Variants in NLK observed in about 807,000 individuals in gnomAD.
The protein encoded by NLK is serine/threonine-protein kinase NLK.
NLK carries 11 observed loss-of-function variants against 59.0 expected under a neutral mutation model. The ratio of observed to expected loss-of-function variants is 0.19; its 90% CI spans 0.12 to 0.31. The LOEUF is 0.31. Ranked by LOEUF, NLK falls within the 10% of genes least tolerant of loss-of-function variation. The pLI, the probability that NLK is intolerant of heterozygous loss-of-function variation, is 1.00. For synonymous variants in NLK, 235 were observed against 235.9 expected, an observed-to-expected ratio of 1.00 and a Z score of 0.03; for missense variants, 410 against 661.1, an observed-to-expected ratio of 0.62 and a Z score of 4.16.
At chr17:28,082,789 T>C (rs188228855) in intron 1 of NLK, among the ~76,000 whole-genome samples, 90 of 152,332 alleles carry the variant, frequency 5.9e-4, no homozygotes, top group African/African-American at 1.5e-3. Flanking sequence ...GGAAATAACA[T>C]GTTTGTAATG....
intron 1 of NLK, among the ~76,000 whole-genome samples, chr17:28,051,694 A>G (rs1217246778): frequency 6.6e-6 from 1 of 151,386 alleles, no homozygotes; most frequent in East Asian, 1.9e-4. Flanking sequence ...ATAGATTACT[A>G]AACTAAACTT....
chr17:28,079,283 G>T (rs1441053548), intron 1 of NLK, among the ~76,000 whole-genome samples: 1 of 152,130 alleles, frequency 6.6e-6, no homozygotes, highest in Non-Finnish European at 1.5e-5. Context: ...ATAGACAGAT[G>T]TTTCCATCTC....
chr17:28,165,093 C>T (rs1455015903), intron 5 of NLK, among the ~76,000 whole-genome samples: 4 of 152,058 alleles, frequency 2.6e-5, no homozygotes, highest in Non-Finnish European at 5.9e-5. Context: ...AGTATTCCTT[C>T]TATAGGTTAT....
rs536743990 is a variant in NLK, at chr17:28,128,689, C to A, written c.589-3931C>A. Among the ~76,000 whole-genome samples, 111 of 152,282 alleles carry A rather than the reference C, an allele frequency of 7.3e-4. 1 individual carries two copies. Among genetic ancestry groups the A allele is most frequent in the African/African-American group, 2.6e-3 (108 of 41,568 alleles). On this transcript the variant is annotated intron_variant, in intron 2 of 10. Coordinates refer to ENST00000407008, the MANE Select transcript of NLK (RefSeq NM_016231.5). ...TGGCAAGGACATAGATCAACTGAAA[C>A]TCTAATCCATTGCTAGTGAGAGCAT...
intron 1 of NLK, among the ~76,000 whole-genome samples, chr17:28,050,780 G>C (rs1597652586): frequency 6.6e-6 from 1 of 152,086 alleles, no homozygotes; most frequent in Non-Finnish European, 1.5e-5. Context: ...AAGATTGTTA[G>C]GAAAATGGGA....
chr17:28,084,480 G>A (rs937945744), intron 1 of NLK, among the ~76,000 whole-genome samples: 1 of 152,186 alleles, frequency 6.6e-6, no homozygotes, highest in Non-Finnish European at 1.5e-5. Flanking sequence ...TCCAAAAAGA[G>A]GTGGTAATAG....
intron 1 of NLK, among the ~76,000 whole-genome samples, chr17:28,044,016 G>A (rs1908967025): frequency 6.6e-6 from 1 of 152,154 alleles, no homozygotes; most frequent in Non-Finnish European, 1.5e-5. Context: ...ATGTTTTAGT[G>A]TCATTTAGTG....
chr17:28,183,606 A>G (rs953118820), intron 7 of NLK, among the ~76,000 whole-genome samples: 5 of 152,176 alleles, frequency 3.3e-5, no homozygotes, highest in Non-Finnish European at 7.4e-5. Context: ...TGGGATTACA[A>G]ACGTAAGCCA....
At chr17:28,154,190 CA>C in intron 3 of NLK, among the ~76,000 whole-genome samples, 1 of 152,234 alleles carries the variant, frequency 6.6e-6, no homozygotes, top group East Asian at 1.9e-4. Flanking sequence ...TACAGAATGT[CA>C]GAAAGTCTCA....
chr17:28,073,069 C>G (rs1196177694), intron 1 of NLK, among the ~76,000 whole-genome samples: 1 of 151,554 alleles, frequency 6.6e-6, no homozygotes, highest in African/African-American at 2.4e-5. Context: ...GTACCACCTA[C>G]TTTTAAGTAA....
chr17:28,088,786 C>T (rs569963898), intron 1 of NLK, among the ~76,000 whole-genome samples: 1 of 152,278 alleles, frequency 6.6e-6, no homozygotes, highest in South Asian at 2.1e-4. Context: ...AGCCATTTCT[C>T]CAAGGTTCCC....
intron 1 of NLK, among the ~76,000 whole-genome samples, chr17:28,108,400 T>C (rs1295997435): frequency 6.6e-6 from 1 of 151,998 alleles, no homozygotes; most frequent in African/African-American, 2.4e-5. Flanking sequence ...AGCTATTATA[T>C]AAAAATTAAA....
chr17:28,160,467 G>C (rs963116665), intron 3 of NLK, among the ~76,000 whole-genome samples: 2 of 152,100 alleles, frequency 1.3e-5, no homozygotes, highest in Non-Finnish European at 2.9e-5. Context: ...CAAGAGTCTT[G>C]AATTGCATAT....
In NLK at chr17:28,042,926, G is replaced by C. The variant is rs759282856; in HGVS notation, c.53G>C (p.Gly18Ala). ...GCAAAAATGATGGCGGCTTACAATG[G>C]CGGTACATCTGCAGCAGCAGCAGGT... Reference protein sequence around the residue: ...ANAKMMAAYNGGTSAAAAGHH... With the variant: ...ANAKMMAAYNAGTSAAAAGHH... Residue 18 changes from glycine (G) to alanine (A), a missense_variant, in exon 1 of 11, where the codon GGC (glycine) becomes GCC (alanine). Around this residue, in one of 5 missense-constraint regions of NLK, gnomAD observed 160 missense variants for 171.0 expected, o/e 0.94. Coordinates refer to ENST00000407008, the MANE Select transcript of NLK (RefSeq NM_016231.5). The C allele has an allele frequency of 6.5e-7, 1 of 1,546,458 alleles. No individual in the cohort carries two copies. Among genetic ancestry groups the C allele is most frequent in the South Asian group, 1.2e-5 (1 of 83,226 alleles).
chr17:28,045,600 A>C (rs1271832306), intron 1 of NLK, among the ~76,000 whole-genome samples: 1 of 152,174 alleles, frequency 6.6e-6, no homozygotes, highest in East Asian at 1.9e-4. Flanking sequence ...TGAAAAAGGA[A>C]AGAGTTCCAG....
chr17:28,058,068 G>T (rs1355316276), intron 1 of NLK, among the ~76,000 whole-genome samples: 1 of 152,158 alleles, frequency 6.6e-6, no homozygotes, highest in Non-Finnish European at 1.5e-5. Context: ...CAAAAAGGGT[G>T]GTTCTGTTGA....
At chr17:28,113,857 TAATC>T (rs983484837) in intron 1 of NLK, among the ~76,000 whole-genome samples, 2 of 152,210 alleles carry the variant, frequency 1.3e-5, no homozygotes, top group Non-Finnish European at 2.9e-5. Flanking sequence ...CCTCCTGAGA[TAATC>T]ACTATCCTAA....
intron 1 of NLK, among the ~76,000 whole-genome samples, chr17:28,073,913 A>C (rs1481782154): frequency 6.6e-6 from 1 of 152,230 alleles, no homozygotes; most frequent in African/African-American, 2.4e-5. Context: ...CTAGCATGTA[A>C]TATGCATTCA....
At chr17:28,120,235 GGTGT>G (rs10542547) in intron 1 of NLK, among the ~76,000 whole-genome samples, 21,192 of 138,776 alleles carry the variant, frequency 0.15, 1,500 homozygotes, top group Non-Finnish European at 0.19. Context: ...TTTGGCTTGG[GGTGT>G]GTGTGTGTGT....
Sources: gnomAD v4.1 joint callset for allele counts (sites outside exome capture counted in the v4.1 genomes callset) on GRCh38, gnomAD v4.1.1 for gene constraint, gnomAD v4.1.1 regional missense constraint, MANE v1.5 for transcripts, NCBI Gene and HGNC (gene_info 2026-07-23, HGNC 2026-07-21) for gene names.